Variants in DYNC1I1 observed in about 807,000 individuals in gnomAD.
The protein encoded by DYNC1I1 is dynein cytoplasmic 1 intermediate chain 1, also known as cytoplasmic dynein 1 intermediate chain 1.
A neutral mutation model predicts 86.6 loss-of-function variants in DYNC1I1; 43 were observed. The observed-to-expected ratio is 0.50, with a 90% CI of 0.39 to 0.64. The LOEUF (loss-of-function observed/expected upper bound fraction) is 0.64. Ranked by LOEUF, DYNC1I1 falls within the 30% of genes least tolerant of loss-of-function variation. The pLI is 0.00. For missense variants in DYNC1I1, 604 were observed against 788.8 expected (o/e 0.77, Z 2.81); for synonymous variants, 262 against 283.7 (o/e 0.92, Z 0.77).
downstream of DYNC1I1, among the ~76,000 whole-genome samples, chr7:96,103,319 TGTTA>T (rs1440790958): frequency 7.9e-5 from 12 of 152,202 alleles, no homozygotes; most frequent in Non-Finnish European, 1.2e-4. Flanking sequence ...TGGACAGAGC[TGTTA>T]GTTGAGCACC....
chr7:96,064,210 ATCTCTCTCTC>A (rs10557179), intron 14 of DYNC1I1, among the ~76,000 whole-genome samples: 34,474 of 140,922 alleles, frequency 0.24, 4,254 homozygotes, highest in East Asian at 0.34. Flanking sequence ...AAATATTCAT[ATCTCTCTCTC>A]TCTCTCTCTC....
At chr7:96,097,446 A>G (rs749408656) in intron 16 of DYNC1I1, 37 bp from the exon 17 acceptor site, 1 of 1,611,284 alleles carries the variant, frequency 6.2e-7, no homozygotes, top group Non-Finnish European at 8.5e-7. Context: ...CATGAAAGAT[A>G]TCTTGTTCAT....
chr7:95,941,139 G>A (rs1466519668), intron 6 of DYNC1I1, among the ~76,000 whole-genome samples: 1 of 152,146 alleles, frequency 6.6e-6, no homozygotes. Flanking sequence ...CTATGCTGCT[G>A]TCTGATTGTT....
At chr7:96,081,079 A>AAAG (rs1554443891) in intron 16 of DYNC1I1, among the ~76,000 whole-genome samples, 3 of 133,686 alleles carry the variant, frequency 2.2e-5, no homozygotes, top group South Asian at 2.4e-4. Context: ...AAAAAAAAAG[A>AAAG]AAAAGAAAAG....
intron 1 of DYNC1I1, among the ~76,000 whole-genome samples, chr7:95,797,451 A>G (rs1381097295): frequency 6.6e-6 from 1 of 152,216 alleles, no homozygotes; most frequent in Non-Finnish European, 1.5e-5. Context: ...TTCTGAAAAG[A>G]TTGGCGATGA....
intron 14 of DYNC1I1, among the ~76,000 whole-genome samples, chr7:96,067,630 C>G (rs906940975): frequency 6.6e-6 from 1 of 152,108 alleles, no homozygotes; most frequent in African/African-American, 2.4e-5. Flanking sequence ...TCCACCAACA[C>G]ATACCTATGG....
intron 6 of DYNC1I1, among the ~76,000 whole-genome samples, chr7:95,972,335 T>C (rs1793195033): frequency 6.6e-6 from 1 of 152,164 alleles, no homozygotes; most frequent in African/African-American, 2.4e-5. Context: ...TGGGCGTCAC[T>C]GCTGCTACTG....
At chr7:95,913,218 ATAT>A (rs986476456) in intron 6 of DYNC1I1, among the ~76,000 whole-genome samples, 3 of 152,190 alleles carry the variant, frequency 2.0e-5, no homozygotes, top group South Asian at 4.1e-4. Context: ...TCATATAGAA[ATAT>A]TATTTTTTAG....
At chr7:96,094,728 A>G (rs1002891604) in intron 16 of DYNC1I1, among the ~76,000 whole-genome samples, 2 of 152,210 alleles carry the variant, frequency 1.3e-5, no homozygotes, top group Non-Finnish European at 2.9e-5. Context: ...TTCTAAATCT[A>G]ACATTACAAT....
chr7:95,775,540 C>T (rs1442279818), intron 1 of DYNC1I1, among the ~76,000 whole-genome samples: 1 of 152,176 alleles, frequency 6.6e-6, no homozygotes, highest in Non-Finnish European at 1.5e-5. Context: ...CAGGTTTGCT[C>T]TCCAATTTCA....
chr7:96,107,078 G>A (rs1233813403), intron 16 of DYNC1I1, among the ~76,000 whole-genome samples: 1 of 151,328 alleles, frequency 6.6e-6, no homozygotes, highest in African/African-American at 2.4e-5. Context: ...CCAGGCTGGA[G>A]TACAGTGGCA....
intron 5 of DYNC1I1, among the ~76,000 whole-genome samples, chr7:95,832,371 T>C (rs1210307529): frequency 6.6e-6 from 1 of 151,946 alleles, no homozygotes; most frequent in East Asian, 1.9e-4. Context: ...TCTAACATTG[T>C]TGAACATTTG....
At chr7:96,023,332 C>T (rs1218277380) in intron 10 of DYNC1I1, among the ~76,000 whole-genome samples, 7 of 152,180 alleles carry the variant, frequency 4.6e-5, no homozygotes, top group Non-Finnish European at 7.3e-5. Context: ...CCCACCCAGG[C>T]ATGATGGCTG....
intron 7 of DYNC1I1, among the ~76,000 whole-genome samples, chr7:95,981,932 G>A (rs1039410111): frequency 6.6e-6 from 1 of 152,092 alleles, no homozygotes; most frequent in Non-Finnish European, 1.5e-5. Flanking sequence ...CTATCTTGGA[G>A]TAAAACAATT....
intron 6 of DYNC1I1, among the ~76,000 whole-genome samples, chr7:95,945,683 A>G (rs114628488): frequency 0.014 from 1,780 of 125,448 alleles, 30 homozygotes; most frequent in African/African-American, 0.045. Flanking sequence ...CAACTGGCAC[A>G]TAATGCAAAA....
At chr7:96,085,539 C>T (rs1221551157) in intron 16 of DYNC1I1, among the ~76,000 whole-genome samples, 2 of 152,150 alleles carry the variant, frequency 1.3e-5, no homozygotes, top group African/African-American at 4.8e-5. Context: ...CTGGAAAATA[C>T]ACTGTACACA....
chr7:95,832,001 A>T (rs1227511), intron 5 of DYNC1I1, among the ~76,000 whole-genome samples: 1 of 151,040 alleles, frequency 6.6e-6, no homozygotes, highest in Non-Finnish European at 1.5e-5. Context: ...AAGTTTTAGC[A>T]TACATGTGCA....
chr7:95,817,080 G>A (rs758213261), intron 4 of DYNC1I1, among the ~76,000 whole-genome samples: 5 of 151,986 alleles, frequency 3.3e-5, no homozygotes, highest in Non-Finnish European at 7.4e-5. Context: ...TCATGTGGTA[G>A]GTATTTGATA....
intron 1 of DYNC1I1, among the ~76,000 whole-genome samples, chr7:95,794,626 A>G (rs1271728926): frequency 2.6e-5 from 4 of 152,126 alleles, no homozygotes; most frequent in Non-Finnish European, 5.9e-5. Context: ...TCTCTCTAGC[A>G]TAATGGGCCT....
Sources: allele counts gnomAD v4.1 joint callset (sites outside exome capture counted in the v4.1 genomes callset), GRCh38; gene constraint gnomAD v4.1.1; transcripts MANE v1.5; gene names NCBI Gene and HGNC (gene_info 2026-07-23, HGNC 2026-07-21).